Variants in NOD2 observed in about 807,000 individuals in gnomAD.
NOD2 encodes the protein nucleotide-binding oligomerization domain-containing protein 2.
A neutral mutation model predicts 90.9 loss-of-function variants in NOD2; 86 were observed. The observed-to-expected ratio is 0.95, with a 90% CI of 0.79 to 1.13. NOD2 has a LOEUF of 1.13. Ranked by LOEUF, NOD2 falls within the 50% of genes most tolerant of loss-of-function variation. The pLI is 0.00. For missense variants in NOD2, 1,238 were observed against 1,283.8 expected (o/e 0.96, Z 0.55); for synonymous variants, 581 against 554.6 (o/e 1.05, Z -0.67).
rs1964483972 is a variant in NOD2 at position 50,711,328 on chromosome 16, C to T, written c.1336C>T (p.Leu446Phe). ...PGVADRLIRLLQETSALHGLC... is the reference protein window; with the variant it reads ...PGVADRLIRLFQETSALHGLC... ...GGTGGCGGACCGCCTCATCCGCCTG[C>T]TCCAAGAGACCTCAGCCCTGCACGG... Residue 446 changes from leucine (L) to phenylalanine (F), a missense_variant, in exon 4 of 12, where the codon CTC becomes TTC. By Grantham distance (22) the Leu-to-Phe change is conservative (BLOSUM62 0). Coordinates refer to ENST00000647318, the MANE Select transcript of NOD2 (RefSeq NM_001370466.1). The T allele has an allele frequency of 1.2e-6, 2 of 1,613,616 alleles. No individual in the cohort carries two copies. The highest frequency in any genetic ancestry group is 8.5e-7 in the Non-Finnish European group (1 of 1,180,048).
At chr16:50,727,908 C>A in intron 10 of NOD2, 2 of 279,944 alleles carry the variant, frequency 7.1e-6, no homozygotes, top group South Asian at 3.6e-5. Context: ...TTTTTTGGTG[C>A]GAATTTGCCT....
At chr16:50,728,037 G>C in intron 10 of NOD2, 1 of 249,928 alleles carries the variant, frequency 4.0e-6, no homozygotes, top group Non-Finnish European at 8.2e-6. Flanking sequence ...CGCTGTTGTT[G>C]TGTAGAATAA....
intron 11 of NOD2, 52 bp downstream of exon 11, chr16:50,729,953 T>G (rs1409172787): frequency 7.3e-7 from 1 of 1,375,344 alleles, no homozygotes; most frequent in Non-Finnish European, 1.0e-6. Flanking sequence ...AGTTTTTCTA[T>G]CTGTAAAATG....
At chr16:50,729,770 A>G in intron 10 of NOD2, 48 bp from the exon 11 acceptor site, 1 of 1,535,182 alleles carries the variant, frequency 6.5e-7, no homozygotes, top group Non-Finnish European at 9.0e-7. Context: ...CAGTTTCAAG[A>G]GGAAAACCAA....
intron 1 of NOD2, 85 bp from the exon 2 acceptor site, chr16:50,699,403 T>C: frequency 8.9e-7 from 1 of 1,128,510 alleles, no homozygotes; most frequent in South Asian, 1.2e-5. Context: ...CGGGTTCTGC[T>C]GGGGCTGACT....
chr16:50,715,593 T>C (rs1365670334), intron 4 of NOD2: 2 of 152,204 alleles, frequency 1.3e-5, no homozygotes, highest in Non-Finnish European at 2.9e-5. Context: ...TTTTTTTGTA[T>C]TTTTGGTAGC....
intron 2 of NOD2, among the ~76,000 whole-genome samples, chr16:50,704,390 A>G (rs1964085387): frequency 6.6e-6 from 1 of 152,192 alleles, no homozygotes; most frequent in East Asian, 1.9e-4. Flanking sequence ...CTGAGGTCTC[A>G]CATGTCTTAA....
Position 50,712,226 on chromosome 16 carries a change from G to T in NOD2, c.2234G>T (p.Cys745Phe). The change falls in exon 4 of 12, where the codon TGC becomes TTC. Residue 745 changes from cysteine to phenylalanine, a missense_variant. By Grantham distance (205) the Cys-to-Phe change is radical. This residue lies in a region of NOD2 where 667 missense variants were observed against 688.7 expected (regional missense o/e 0.97). Transcript: ENST00000647318. ...GTTGGGCACCTCAAGTTGACATTTT[G>T]CAGTGTGGGCCCCACTGAGTGTGCT... is the stretch of plus-strand genomic sequence containing the variant. ...LNVGHLKLTF[C>F]SVGPTECAAL... 6.2e-7 allele frequency: 1 copy of T among 1,613,904 alleles called. No homozygotes were observed. Among genetic ancestry groups the T allele is most frequent in the Non-Finnish European group, 8.5e-7 (1 of 1,180,048 alleles).
intron 1 of NOD2, among the ~76,000 whole-genome samples, chr16:50,694,087 T>C (rs1416406370): frequency 6.6e-6 from 1 of 152,130 alleles, no homozygotes; most frequent in Non-Finnish European, 1.5e-5. Context: ...CACCAGGACC[T>C]GCGAGGCCAC....
At chr16:50,704,292 A>G (rs542462918) in intron 2 of NOD2, among the ~76,000 whole-genome samples, 44 of 152,150 alleles carry the variant, frequency 2.9e-4, no homozygotes, top group African/African-American at 1.1e-3. Context: ...CCTGAATCCT[A>G]TGGCCTCTTC....
intron 2 of NOD2, among the ~76,000 whole-genome samples, chr16:50,704,098 C>CA (rs1964071035): frequency 6.6e-6 from 1 of 152,218 alleles, no homozygotes; most frequent in African/African-American, 2.4e-5. Flanking sequence ...ATGGTGAAGA[C>CA]AAGTCAAATA....
At chr16:50,717,223 C>A (rs1485473471) in intron 6 of NOD2, among the ~76,000 whole-genome samples, 1 of 152,222 alleles carries the variant, frequency 6.6e-6, no homozygotes, top group South Asian at 2.1e-4. Context: ...TTTCTAGGCC[C>A]CTTTCCTTTT....
intron 2 of NOD2, among the ~76,000 whole-genome samples, chr16:50,701,893 A>C (rs1019452161): frequency 1.3e-5 from 2 of 152,348 alleles, no homozygotes; most frequent in Admixed American, 1.3e-4. Context: ...GGAAATTTAC[A>C]ACCTTAGGTG....
At chr16:50,721,476 T>C (rs1318204745) in intron 7 of NOD2, among the ~76,000 whole-genome samples, 1 of 151,758 alleles carries the variant, frequency 6.6e-6, no homozygotes, top group Non-Finnish European at 1.5e-5. Context: ...CTTTATTTAC[T>C]TAATTATCTA....
At position 50,719,297 on chromosome 16, in the gene NOD2, G is replaced by A. The variant is rs1964935493; in HGVS notation, c.2550-628G>A. On this transcript the variant is annotated intron_variant, in intron 6 of 11. Coordinates refer to ENST00000647318, the MANE Select transcript of NOD2 (RefSeq NM_001370466.1). The stretch of plus-strand genomic sequence containing the variant: ...CTTGACGTTCCTTGAAAGAATGAAA[G>A]CGTATAGTTATCCCAGGAAGCCTAG... Among the ~76,000 whole-genome samples the A allele has an allele frequency of 5.3e-5, 8 of 152,208 alleles. No homozygotes were observed. In the South Asian group the frequency reaches 1.7e-3, roughly 31 times the overall value.
intron 4 of NOD2, among the ~76,000 whole-genome samples, chr16:50,713,813 C>T (rs998576042): frequency 6.6e-6 from 1 of 152,164 alleles, no homozygotes; most frequent in African/African-American, 2.4e-5. Flanking sequence ...TAACTCCTCA[C>T]CCCAACTCTT....
Position 50,699,483 on chromosome 16 carries a change from C to A in NOD2, c.-8-5C>A. 6.2e-7 allele frequency: 1 copy of A among 1,612,494 alleles called. No homozygotes were observed. Among genetic ancestry groups the A allele is most frequent in the Non-Finnish European group, 8.5e-7 (1 of 1,179,724 alleles). On this transcript the variant is annotated splice_polypyrimidine_tract_variant and splice_region_variant and intron_variant, in intron 1 of 11. Coordinates refer to ENST00000647318, the MANE Select transcript of NOD2 (RefSeq NM_001370466.1). ...GTCCCGCACTGACCTTGTTCTCCTC[C>A]CCAGGTTGTGAAATGTGCTCGCAGG...
Position 50,732,058 on chromosome 16 carries a change from C to T in NOD2, c.*239C>T. The T allele has an allele frequency of 1.8e-6, 1 of 540,592 alleles. No individual in the cohort carries two copies. The highest frequency in any genetic ancestry group is 1.9e-5 in the South Asian group (1 of 52,682). 33.5% of individuals were successfully genotyped at this position (540,592 alleles called of 1,614,324 possible). On this transcript the variant is annotated 3_prime_UTR_variant, in exon 12 of 12. Transcript: ENST00000647318. ...TTGCCATTGACTTCTTCCCAAGATT[C>T]AATCCCAGGATGTACAAGGACAGCC...
chr16:50,728,421 T>C, intron 10 of NOD2: 1 of 265,606 alleles, frequency 3.8e-6, no homozygotes, highest in Non-Finnish European at 7.5e-6. Context: ...TTGCTTGAAT[T>C]TGCTTTTTGT....
Sources: gnomAD v4.1 joint callset for allele counts (sites outside exome capture counted in the v4.1 genomes callset) on GRCh38, gnomAD v4.1.1 for gene constraint, gnomAD v4.1.1 regional missense constraint, MANE v1.5 for transcripts, NCBI Gene and HGNC (gene_info 2026-07-23, HGNC 2026-07-21) for gene names.